GPR89B: variants seen among roughly 807,000 people sequenced by gnomAD.
GPR89B encodes G protein-coupled receptor 89B.
GPR89B carries 25 observed loss-of-function variants against 52.4 expected under a neutral mutation model. That is an observed-to-expected ratio of 0.48 (90% CI 0.35 to 0.67). The LOEUF is 0.67. GPR89B is among the 30% of genes least tolerant of loss of function. GPR89B has a pLI of 0.01. For missense variants in GPR89B, 146 were observed against 450.2 expected (o/e 0.32, Z 6.11); for synonymous variants, 52 against 151.2 (o/e 0.34, Z 4.81).
chr1:147,981,654 T>TTTTTTG (rs1278092870), intron 10 of GPR89B, among the ~76,000 whole-genome samples: 5 of 151,764 alleles, frequency 3.3e-5, no homozygotes, highest in African/African-American at 1.2e-4. Flanking sequence ...TGTGTATAAT[T>TTTTTTG]TTTTTGTTTT....
chr1:147,976,251 G>T (rs1295108545), intron 10 of GPR89B, among the ~76,000 whole-genome samples: 1 of 150,920 alleles, frequency 6.6e-6, no homozygotes, highest in Non-Finnish European at 1.5e-5. Context: ...TGACTGTGGG[G>T]TGTTAATGTC....
intron 11 of GPR89B, 58 bp downstream of exon 11, chr1:147,986,352 A>G: frequency 6.2e-7 from 1 of 1,604,614 alleles, no homozygotes; most frequent in Non-Finnish European, 8.5e-7. Flanking sequence ...GCTATAACTT[A>G]TCATTGTTAA....
At chr1:147,945,401 T>G (rs1654883411) in intron 5 of GPR89B, among the ~76,000 whole-genome samples, 1 of 151,916 alleles carries the variant, frequency 6.6e-6, no homozygotes, top group Admixed American at 6.6e-5. Flanking sequence ...TTATAGAATC[T>G]GCCATACCTC....
chr1:147,980,842 A>T (rs1421925366), intron 10 of GPR89B, among the ~76,000 whole-genome samples: 15 of 149,346 alleles, frequency 1.0e-4, no homozygotes, highest in African/African-American at 3.7e-4. Context: ...AAAAAAAAAA[A>T]AAAAGAAATT....
chr1:147,971,501 G>A (rs1406436299), intron 10 of GPR89B, among the ~76,000 whole-genome samples: 1 of 134,516 alleles, frequency 7.4e-6, no homozygotes, highest in African/African-American at 2.9e-5. Flanking sequence ...TGAAGACGGA[G>A]TCTCTCTCTG....
chr1:147,930,686 C>G (rs1553246890), intron 1 of GPR89B, among the ~76,000 whole-genome samples: 1 of 151,788 alleles, frequency 6.6e-6, no homozygotes, highest in African/African-American at 2.4e-5. Flanking sequence ...AATCAGAGGT[C>G]ACGTATTGAA....
intron 7 of GPR89B, among the ~76,000 whole-genome samples, chr1:147,963,329 T>C (rs1241226276): frequency 4.0e-5 from 6 of 150,380 alleles, no homozygotes; most frequent in Non-Finnish European, 7.4e-5. Context: ...TGAGCCAAGA[T>C]GGAGCCACTG....
chr1:148,000,775 T>TAAAA, the GPR89B span, among the ~76,000 whole-genome samples: 12 of 72,516 alleles, frequency 1.7e-4, no homozygotes, highest in African/African-American at 2.6e-4. Flanking sequence ...GTGTTAAAAG[T>TAAAA]AAAAAAAAAA....
chr1:147,956,736 T>C (rs1177401557), intron 7 of GPR89B, among the ~76,000 whole-genome samples: 1 of 150,410 alleles, frequency 6.6e-6, no homozygotes, highest in Admixed American at 6.6e-5. Context: ...ATATTGTCTA[T>C]TGTGATTTTT....
intron 1 of GPR89B, among the ~76,000 whole-genome samples, chr1:147,934,263 A>G (rs587612734): frequency 3.0e-4 from 45 of 151,966 alleles, no homozygotes; most frequent in African/African-American, 8.7e-4. Context: ...TATAACGTCT[A>G]CCTGCCAGGC....
At chr1:147,979,541 G>A (rs2149086579) in intron 10 of GPR89B, among the ~76,000 whole-genome samples, 1 of 152,232 alleles carries the variant, frequency 6.6e-6, no homozygotes, top group Non-Finnish European at 1.5e-5. Context: ...CCTTTATCAG[G>A]TTGAGGAAGT....
intron 10 of GPR89B, among the ~76,000 whole-genome samples, chr1:147,983,900 C>G (rs1270301998): frequency 2.7e-5 from 4 of 150,518 alleles, no homozygotes; most frequent in South Asian, 2.1e-4. Flanking sequence ...TGGCACTATT[C>G]ACAATAGCAA....
chr1:147,959,814 G>C (rs1656399626), intron 7 of GPR89B, among the ~76,000 whole-genome samples: 1 of 151,892 alleles, frequency 6.6e-6, no homozygotes, highest in African/African-American at 2.4e-5. Flanking sequence ...CGATTTGCAA[G>C]GTTGCTGTGC....
intron 10 of GPR89B, among the ~76,000 whole-genome samples, chr1:147,980,571 A>G (rs1658162842): frequency 7.1e-6 from 1 of 141,038 alleles, no homozygotes; most frequent in Non-Finnish European, 1.5e-5. Flanking sequence ...TAATTCACAT[A>G]CAATACAATA....
chr1:147,983,201 A>G (rs1658402113), intron 10 of GPR89B, among the ~76,000 whole-genome samples: 2 of 152,178 alleles, frequency 1.3e-5, no homozygotes, highest in South Asian at 4.1e-4. Flanking sequence ...TAAACGTTAG[A>G]CCTAAAACCA....
At chr1:148,010,159 G>C in the GPR89B span, 4 of 152,310 alleles carry the variant, frequency 2.6e-5, no homozygotes, top group Admixed American at 1.3e-4. Context: ...GGAAAACAGA[G>C]CTAACAAAGC....
At chr1:147,987,050 G>A (rs1244609197) in intron 11 of GPR89B, among the ~76,000 whole-genome samples, 1 of 151,732 alleles carries the variant, frequency 6.6e-6, no homozygotes, top group Non-Finnish European at 1.5e-5. Flanking sequence ...CCAGCCAGAC[G>A]TGCCCCTAAT....
chr1:147,952,728 T>G, intron 5 of GPR89B, among the ~76,000 whole-genome samples: 1 of 151,906 alleles, frequency 6.6e-6, no homozygotes, highest in Non-Finnish European at 1.5e-5. Flanking sequence ...TTTTAACTGC[T>G]AAGTTGATTT....
chr1:147,950,650 A>T (rs1655590140), intron 5 of GPR89B, among the ~76,000 whole-genome samples: 1 of 152,188 alleles, frequency 6.6e-6, no homozygotes, highest in African/African-American at 2.4e-5. Context: ...ACCATTGAGC[A>T]CTGAGTGAAC....
Sources: allele counts gnomAD v4.1 joint callset (sites outside exome capture counted in the v4.1 genomes callset), GRCh38; gene constraint gnomAD v4.1.1; transcripts MANE v1.5; gene names NCBI Gene and HGNC (gene_info 2026-07-23, HGNC 2026-07-21).